The following PCDH9 variants were observed in gnomAD, a reference collection of about 807,000 sequenced individuals.
PCDH9 encodes protocadherin-9.
A neutral mutation model predicts 70.6 loss-of-function variants in PCDH9; 24 were observed. The ratio of observed to expected loss-of-function variants is 0.34; its 90% CI spans 0.25 to 0.48. The LOEUF is 0.48. Among genes scored for constraint, PCDH9 ranks in the 20% least tolerant of loss-of-function variants. PCDH9 has a pLI of 0.99. For synonymous variants in PCDH9, 562 were observed against 558.5 expected (o/e 1.01, Z -0.09); for missense variants, 1,281 against 1,503.6 (o/e 0.85, Z 2.45).
chr13:66,913,632 G>A (rs1043698906), intron 2 of PCDH9, among the ~76,000 whole-genome samples: 1 of 152,054 alleles, frequency 6.6e-6, no homozygotes, highest in South Asian at 2.1e-4. Context: ...AGTCGAAAAT[G>A]TAAGATATTA....
Position 66,737,649 on chromosome 13 carries a change from C to T in PCDH9, c.3139-106238G>A, listed in dbSNP as rs934949023. Among the ~76,000 whole-genome samples the T allele has an allele frequency of 7.9e-5, 12 of 152,264 alleles. No individual in the cohort carries two copies. In the East Asian group the frequency reaches 1.4e-3, roughly 17 times the overall value. On this transcript the variant is annotated intron_variant, in intron 3 of 4. Transcript: ENST00000377865. ...GGCCAGTGGGTGCGCGCACCGTGCA[C>T]GAGCCGAAGCCGGGCAAGGCATTGC...
chr13:67,130,908 G>A (rs1350075311), intron 2 of PCDH9, among the ~76,000 whole-genome samples: 1 of 152,204 alleles, frequency 6.6e-6, no homozygotes, highest in South Asian at 2.1e-4. Context: ...CTCTTTCTGT[G>A]TGTGTGTCTT....
intron 2 of PCDH9, among the ~76,000 whole-genome samples, chr13:66,916,302 A>T (rs1018411450): frequency 2.0e-5 from 3 of 151,626 alleles, no homozygotes; most frequent in African/African-American, 7.3e-5. Context: ...AAAGGCTAAT[A>T]ACAAATACCT....
intron 2 of PCDH9, among the ~76,000 whole-genome samples, chr13:66,934,521 A>G (rs958935519): frequency 2.0e-5 from 3 of 149,744 alleles, no homozygotes; most frequent in Admixed American, 6.6e-5. Context: ...ACCCTGGGTG[A>G]CAATAGTGAA....
intron 4 of PCDH9, among the ~76,000 whole-genome samples, chr13:66,589,692 C>T (rs934016408): frequency 1.3e-5 from 2 of 152,004 alleles, no homozygotes; most frequent in Admixed American, 6.6e-5. Context: ...AGCGATGAAT[C>T]CTTCCAGGGT....
intron 4 of PCDH9, among the ~76,000 whole-genome samples, chr13:66,407,401 C>T (rs930914372): frequency 1.3e-5 from 2 of 152,102 alleles, no homozygotes; most frequent in Non-Finnish European, 2.9e-5. Context: ...CTTTGTTATT[C>T]TAAATTTATT....
At chr13:67,017,571 A>C (rs190167924) in intron 2 of PCDH9, among the ~76,000 whole-genome samples, 65 of 152,326 alleles carry the variant, frequency 4.3e-4, no homozygotes, top group African/African-American at 1.5e-3. Context: ...TTCTATTTTT[A>C]AATTTTTGTC....
At chr13:66,934,690 T>G (rs920209425) in intron 2 of PCDH9, among the ~76,000 whole-genome samples, 20 of 148,982 alleles carry the variant, frequency 1.3e-4, no homozygotes, top group Non-Finnish European at 3.0e-4. Context: ...GATATTGTAT[T>G]CAATTTCCAT....
At chr13:67,010,658 T>C (rs1172406775) in intron 2 of PCDH9, among the ~76,000 whole-genome samples, 1 of 152,044 alleles carries the variant, frequency 6.6e-6, no homozygotes, top group Non-Finnish European at 1.5e-5. Context: ...TAGTTATGTA[T>C]GCATTGCCCA....
chr13:67,136,100 C>T (rs1335611399), intron 2 of PCDH9, among the ~76,000 whole-genome samples: 4 of 152,130 alleles, frequency 2.6e-5, no homozygotes, highest in African/African-American at 9.7e-5. Context: ...ACAATGGTCT[C>T]ATAAGATTAG....
chr13:66,817,210 T>C (rs2080623638), intron 3 of PCDH9, among the ~76,000 whole-genome samples: 1 of 152,114 alleles, frequency 6.6e-6, no homozygotes, highest in African/African-American at 2.4e-5. Context: ...TGGTATTGCC[T>C]GGGGTCCTGA....
At chr13:66,786,785 C>CA (rs1288957344) in intron 3 of PCDH9, among the ~76,000 whole-genome samples, 1 of 151,788 alleles carries the variant, frequency 6.6e-6, no homozygotes, top group East Asian at 1.9e-4. Context: ...AGACATTAAA[C>CA]AAAAAGTAAA....
At chr13:66,443,716 T>C (rs1486371091) in intron 4 of PCDH9, among the ~76,000 whole-genome samples, 1 of 152,154 alleles carries the variant, frequency 6.6e-6, no homozygotes, top group African/African-American at 2.4e-5. Flanking sequence ...TTTATTATTC[T>C]GGAATTTTAA....
intron 2 of PCDH9, chr13:67,207,811 C>T (rs1056194879): frequency 6.6e-6 from 1 of 152,112 alleles, no homozygotes; most frequent in African/African-American, 2.4e-5. Context: ...GTTTCAATGC[C>T]AATAGCAAAC....
chr13:66,627,966 G>C (rs1157643627), intron 4 of PCDH9, among the ~76,000 whole-genome samples: 1 of 152,084 alleles, frequency 6.6e-6, no homozygotes, highest in Non-Finnish European at 1.5e-5. Context: ...TTTGGCCTGG[G>C]GCAGCTTAGT....
chr13:66,838,726 T>A (rs1398991911), intron 3 of PCDH9, among the ~76,000 whole-genome samples: 2 of 152,114 alleles, frequency 1.3e-5, no homozygotes, highest in Non-Finnish European at 2.9e-5. Flanking sequence ...CAGTTAAATA[T>A]AAGTGTTGTG....
intron 4 of PCDH9, among the ~76,000 whole-genome samples, chr13:66,581,876 G>A (rs1293799323): frequency 2.0e-5 from 3 of 152,208 alleles, no homozygotes; most frequent in South Asian, 4.2e-4. Flanking sequence ...ATCCTATTTA[G>A]ATCTTGAAAA....
chr13:66,617,873 G>T (rs565401657), intron 4 of PCDH9, among the ~76,000 whole-genome samples: 2 of 152,168 alleles, frequency 1.3e-5, no homozygotes, highest in Non-Finnish European at 2.9e-5. Context: ...TCCACAAAAC[G>T]GCGTCCCCTG....
chr13:66,910,138 AG>A (rs2082435702), intron 2 of PCDH9, among the ~76,000 whole-genome samples: 2 of 152,190 alleles, frequency 1.3e-5, no homozygotes, highest in Non-Finnish European at 2.9e-5. Flanking sequence ...CTCCCTCAAA[AG>A]CACTTCCTTT....
Sources: allele counts gnomAD v4.1 joint callset (sites outside exome capture counted in the v4.1 genomes callset), GRCh38; gene constraint gnomAD v4.1.1; transcripts MANE v1.5; gene names NCBI Gene and HGNC (gene_info 2026-07-23, HGNC 2026-07-21).